The following SCN11A variants were observed in gnomAD, a reference collection of about 807,000 sequenced individuals.
SCN11A encodes the protein sodium channel protein type 11 subunit alpha.
A neutral mutation model predicts 162.2 loss-of-function variants in SCN11A; 122 were observed. The observed-to-expected ratio is 0.75, with a 90% CI of 0.65 to 0.87. SCN11A has a LOEUF of 0.87. Among genes scored for constraint, SCN11A ranks in the 40% least tolerant of loss-of-function variants. SCN11A has a pLI of 0.00. For synonymous variants in SCN11A, 758 were observed against 751.5 expected (o/e 1.01, Z -0.14); for missense variants, 2,015 against 2,181.6 (o/e 0.92, Z 1.52).
rs554650880 is a variant in SCN11A at position 39,045,037 on chromosome 3, G to A, written c.-404+6824C>T. Among the ~76,000 whole-genome samples, 3 of 152,072 alleles carry A rather than the reference G, an allele frequency of 2.0e-5. No homozygotes were observed. In the East Asian group the frequency reaches 5.8e-4, roughly 29 times the overall value. On this transcript the variant is annotated intron_variant, in intron 1 of 29. Transcript: ENST00000302328. ...ATTATGAACAACTATATGCCAACAAGATGAAAAGCCTAGAGGAAATGAATT... is the reference window on the plus strand; with the variant it reads ...ATTATGAACAACTATATGCCAACAAAATGAAAAGCCTAGAGGAAATGAATT...
intron 9 of SCN11A, among the ~76,000 whole-genome samples, chr3:38,924,829 C>G (rs2066112570): frequency 6.6e-6 from 1 of 151,962 alleles, no homozygotes; most frequent in South Asian, 2.1e-4. Flanking sequence ...TTCTATGATC[C>G]CACCTCTACC....
At chr3:39,010,854 A>G (rs1335566336) in intron 2 of SCN11A, among the ~76,000 whole-genome samples, 2 of 152,218 alleles carry the variant, frequency 1.3e-5, no homozygotes. Flanking sequence ...GGGGTGGAAC[A>G]TAAGAGAATA....
intron 7 of SCN11A, among the ~76,000 whole-genome samples, chr3:38,941,333 TA>T (rs774872756): frequency 3.0e-4 from 45 of 152,312 alleles, no homozygotes; most frequent in Non-Finnish European, 5.3e-4. Flanking sequence ...GAGTATGAAA[TA>T]AAGACATTTT....
chr3:38,939,882 G>C (rs1297528842), intron 7 of SCN11A, among the ~76,000 whole-genome samples: 1 of 148,866 alleles, frequency 6.7e-6, no homozygotes, highest in African/African-American at 2.5e-5. Flanking sequence ...CAGCCTGAGC[G>C]ACAAGAGTGA....
intron 16 of SCN11A, among the ~76,000 whole-genome samples, chr3:38,902,857 C>T (rs2065725084): frequency 6.9e-6 from 1 of 145,344 alleles, no homozygotes; most frequent in African/African-American, 2.6e-5. Context: ...TTTTTAAAGA[C>T]ATGTAAAAAG....
At chr3:38,911,064 C>T (rs147682103) in intron 11 of SCN11A, among the ~76,000 whole-genome samples, 4 of 152,256 alleles carry the variant, frequency 2.6e-5, no homozygotes, top group East Asian at 1.9e-4. Flanking sequence ...CTTCTACCTC[C>T]GTATATCTAA....
intron 2 of SCN11A, among the ~76,000 whole-genome samples, chr3:38,994,249 T>A (rs1413236832): frequency 6.6e-6 from 1 of 152,226 alleles, no homozygotes; most frequent in Non-Finnish European, 1.5e-5. Flanking sequence ...TATTCCTATA[T>A]ATTGTCATGG....
rs560676674 is a variant in SCN11A, at chr3:38,931,357, C to T, written c.489-4426G>A. ...CCAGAGACATATAGACCAAACCAGA[C>T]CTTGTAGTCAAAGAAAGGGCAGTTT... is the stretch of plus-strand genomic sequence containing the variant. On this transcript the variant is annotated intron_variant, in intron 7 of 29. Transcript: ENST00000302328. Among the ~76,000 whole-genome samples, 4 of 152,234 alleles carry T rather than the reference C, an allele frequency of 2.6e-5. No individual in the cohort carries two copies. In the South Asian group the frequency reaches 8.3e-4, roughly 32 times the overall value.
chr3:38,874,587 T>C (rs945965856), intron 23 of SCN11A, among the ~76,000 whole-genome samples: 3 of 152,130 alleles, frequency 2.0e-5, no homozygotes, highest in African/African-American at 7.2e-5. Context: ...TTCAAAACAA[T>C]ATATTTTGTT....
chr3:38,878,720 T>G (rs1192162248), intron 23 of SCN11A, among the ~76,000 whole-genome samples: 2 of 152,206 alleles, frequency 1.3e-5, no homozygotes, highest in East Asian at 3.9e-4. Flanking sequence ...GCCTCTGGTT[T>G]TCTTGTTAGT....
At position 38,894,544 on chromosome 3, in the gene SCN11A, G is replaced by C; in HGVS notation, c.2824C>G (p.Pro942Ala). 7 of 1,605,244 alleles carry C rather than the reference G, an allele frequency of 4.4e-6. No homozygotes were observed. Among genetic ancestry groups the C allele is most frequent in the Non-Finnish European group, 6.0e-6 (7 of 1,175,716 alleles). ...GTGAACCTTCATACCTGTTGTTCAG[G>C]CTCAGGTTGTGTGATGCGCTGTGCA... is the stretch of plus-strand genomic sequence containing the variant. ...DNAQRITQPEPEQQAYELHQE... is the reference protein window; with the variant it reads ...DNAQRITQPEAEQQAYELHQE... The change falls in exon 19 of 30, where the codon CCT becomes GCT. Residue 942 changes from proline to alanine, a missense_variant. By Grantham distance (27) the Pro-to-Ala change is conservative (BLOSUM62 -1). Transcript: ENST00000302328.
chr3:38,897,622 A>G (rs953035756), intron 17 of SCN11A, among the ~76,000 whole-genome samples: 1 of 151,700 alleles, frequency 6.6e-6, no homozygotes, highest in Non-Finnish European at 1.5e-5. Context: ...AGGCTGAGGC[A>G]GGGGAATCGC....
intron 23 of SCN11A, 74 bp downstream of exon 23, chr3:38,879,876 A>G: frequency 8.2e-7 from 1 of 1,225,092 alleles, no homozygotes; most frequent in South Asian, 1.4e-5. Flanking sequence ...GGCACACAGG[A>G]AAAGCAGCCT....
intron 16 of SCN11A, 70 bp from the exon 17 acceptor site, chr3:38,900,143 A>ATCTC: frequency 1.7e-6 from 2 of 1,204,008 alleles, no homozygotes; most frequent in Non-Finnish European, 2.4e-6. Context: ...GGCCCAAGGG[A>ATCTC]AGTACAGAGG....
intron 7 of SCN11A, among the ~76,000 whole-genome samples, chr3:38,940,865 G>C (rs2125568736): frequency 6.6e-6 from 1 of 152,280 alleles, no homozygotes; most frequent in East Asian, 1.9e-4. Context: ...ATTGATGCCT[G>C]CTTCAATTGT....
At chr3:38,928,686 C>G (rs1392800618) in intron 7 of SCN11A, among the ~76,000 whole-genome samples, 1 of 152,118 alleles carries the variant, frequency 6.6e-6, no homozygotes, top group Non-Finnish European at 1.5e-5. Context: ...TGAAAAGATG[C>G]TCAACATCAC....
At chr3:38,902,191 C>T (rs564570292) in intron 16 of SCN11A, among the ~76,000 whole-genome samples, 1 of 152,306 alleles carries the variant, frequency 6.6e-6, no homozygotes, top group South Asian at 2.1e-4. Flanking sequence ...CCCCTATAGA[C>T]ACAGCTTGCT....
intron 1 of SCN11A, among the ~76,000 whole-genome samples, chr3:39,033,436 A>C (rs1374881237): frequency 6.6e-6 from 1 of 152,254 alleles, no homozygotes; most frequent in Non-Finnish European, 1.5e-5. Context: ...CGAGACTCAA[A>C]GAGAACAGAA....
At chr3:38,907,308 ATATGTGTG>A (rs1177882830) in intron 14 of SCN11A, among the ~76,000 whole-genome samples, 125 of 33,866 alleles carry the variant, frequency 3.7e-3, no homozygotes, top group African/African-American at 7.6e-3. Flanking sequence ...ATACCAACAT[ATATGTGTG>A]TGTGTGTGTG....
Sources: allele counts gnomAD v4.1 joint callset (sites outside exome capture counted in the v4.1 genomes callset), GRCh38; gene constraint gnomAD v4.1.1; transcripts MANE v1.5; gene names NCBI Gene and HGNC (gene_info 2026-07-23, HGNC 2026-07-21).